DNAAF4: variants seen among roughly 807,000 people sequenced by gnomAD.
The protein encoded by DNAAF4 is dynein axonemal assembly factor 4.
Under a neutral mutation model 51.8 loss-of-function variants are expected in DNAAF4, and 43 were observed. That is an observed-to-expected ratio of 0.83 (90% CI 0.65 to 1.07). The LOEUF (loss-of-function observed/expected upper bound fraction) is 1.07, where lower values mean the gene tolerates loss of function less well. DNAAF4 is among the 50% of genes least tolerant of loss of function. The probability of loss-of-function intolerance (pLI) is 0.00; values close to 1 mark genes in which losing one functional copy is unlikely to be tolerated. For synonymous variants in DNAAF4, 194 were observed against 165.6 expected (o/e 1.17, Z -1.32); for missense variants, 581 against 493.0 (o/e 1.18, Z -1.69).
At position 55,498,408 on chromosome 15, in the gene DNAAF4, T is replaced by C; in HGVS notation, c.-79A>G. The C allele has an allele frequency of 1.3e-6, 2 of 1,541,244 alleles. No homozygotes were observed. The highest frequency in any genetic ancestry group is 1.7e-6 in the Non-Finnish European group (2 of 1,144,428). ...GTTGCTAGGGAAGCTGGGGTTACCATGCGCCAGCCCTTCCGGGTCAGGCCG... is the reference window on the plus strand; with the variant it reads ...GTTGCTAGGGAAGCTGGGGTTACCACGCGCCAGCCCTTCCGGGTCAGGCCG... On this transcript the variant is annotated 5_prime_UTR_variant, in exon 2 of 10. It removes an upstream start codon present in the reference 5' UTR. Coordinates refer to ENST00000321149, the MANE Select transcript of DNAAF4 (RefSeq NM_130810.4).
intron 4 of DNAAF4, among the ~76,000 whole-genome samples, chr15:55,483,873 A>C (rs2058448573): frequency 1.3e-5 from 1 of 74,502 alleles, no homozygotes; most frequent in Non-Finnish European, 3.0e-5. Flanking sequence ...TTTTTTTTTA[A>C]GAGAAAGCAT....
At chr15:55,470,205 C>T (rs1016300674) in intron 4 of DNAAF4, among the ~76,000 whole-genome samples, 9 of 152,116 alleles carry the variant, frequency 5.9e-5, no homozygotes, top group South Asian at 2.1e-4. Context: ...GCACATACCA[C>T]CACGCCTGGC....
chr15:55,484,748 A>C (rs943270642), intron 4 of DNAAF4, among the ~76,000 whole-genome samples: 2 of 152,210 alleles, frequency 1.3e-5, no homozygotes, highest in Non-Finnish European at 2.9e-5. Flanking sequence ...AACCAGTCCA[A>C]GTTCCAAAAC....
intron 4 of DNAAF4, among the ~76,000 whole-genome samples, chr15:55,481,219 G>GA (rs1297297665): frequency 6.6e-6 from 1 of 152,094 alleles, no homozygotes; most frequent in Non-Finnish European, 1.5e-5. Context: ...CCTAACTGCT[G>GA]AAAAAAGTGG....
chr15:55,462,483 C>T (rs575764410), intron 5 of DNAAF4, among the ~76,000 whole-genome samples: 1 of 151,972 alleles, frequency 6.6e-6, no homozygotes, highest in Non-Finnish European at 1.5e-5. Context: ...AGCCATGTGC[C>T]CAGCCCAACA....
At chr15:55,506,322 A>G (rs982693494) in intron 1 of DNAAF4, among the ~76,000 whole-genome samples, 5 of 152,204 alleles carry the variant, frequency 3.3e-5, no homozygotes, top group African/African-American at 4.8e-5. Context: ...ACTCCTATGT[A>G]TCTATCTTAG....
At chr15:55,476,037 A>T (rs995030148) in intron 4 of DNAAF4, among the ~76,000 whole-genome samples, 2 of 152,230 alleles carry the variant, frequency 1.3e-5, no homozygotes, top group African/African-American at 4.8e-5. Flanking sequence ...GACAGAAAAA[A>T]ACAGAACTAT....
At chr15:55,503,509 G>A (rs574222545) in intron 1 of DNAAF4, among the ~76,000 whole-genome samples, 28 of 152,168 alleles carry the variant, frequency 1.8e-4, no homozygotes, top group East Asian at 3.9e-4. Flanking sequence ...AAGGAACATC[G>A]ATGCAAAAAT....
At chr15:55,488,755 C>G (rs2058527633) in intron 4 of DNAAF4, among the ~76,000 whole-genome samples, 1 of 152,076 alleles carries the variant, frequency 6.6e-6, no homozygotes, top group African/African-American at 2.4e-5. Context: ...CTCTAAATCA[C>G]CTTTCCCAAT....
At chr15:55,437,513 C>A (rs557569314) in intron 7 of DNAAF4, among the ~76,000 whole-genome samples, 26 of 151,840 alleles carry the variant, frequency 1.7e-4, no homozygotes, top group Admixed American at 1.4e-3. Flanking sequence ...CCCCGCCCCC[C>A]AAAAAAAGAT....
In DNAAF4 at chr15:55,487,830, A is replaced by G. The variant is rs545211108; in HGVS notation, c.405+3293T>C. On this transcript the variant is annotated intron_variant, in intron 4 of 9. Transcript: ENST00000321149. ...GTTCCTTTGTGTGCCTTATTTTCAT[A>G]TACCTATCCAAATTGTAATGTCATT... 3.9e-5 allele frequency among the ~76,000 whole-genome samples: 6 copies of G among 152,312 alleles called. No homozygotes were observed. In the East Asian group the frequency reaches 9.7e-4, roughly 25 times the overall value.
At chr15:55,456,492 G>A (rs994915949) in intron 5 of DNAAF4, among the ~76,000 whole-genome samples, 1 of 152,146 alleles carries the variant, frequency 6.6e-6, no homozygotes, top group Non-Finnish European at 1.5e-5. Context: ...ATGGCAGATC[G>A]GAGACAGGAT....
At position 55,467,030 on chromosome 15, in the gene DNAAF4, C is replaced by G; in HGVS notation, c.537G>C (p.Glu179Asp). Reference protein sequence around the residue: ...AEEQKKIQREEKLCQKEKQIK... With the variant: ...AEEQKKIQREDKLCQKEKQIK... ...TTTGCTTTTCTTTTTGACATAATTT[C>G]TCTTCTCTCTGAATTTTTTTTTGCT... Residue 179 changes from glutamate (E) to aspartate (D), a missense_variant, in exon 5 of 10, where the codon GAG becomes GAC. Coordinates refer to ENST00000321149, the MANE Select transcript of DNAAF4 (RefSeq NM_130810.4). 1 of 1,563,692 alleles carries G rather than the reference C, an allele frequency of 6.4e-7. No homozygotes were observed. The highest frequency in any genetic ancestry group is 8.6e-7 in the Non-Finnish European group (1 of 1,157,544).
At chr15:55,419,120 G>T (rs1230480928) in intron 7 of DNAAF4, among the ~76,000 whole-genome samples, 2 of 152,116 alleles carry the variant, frequency 1.3e-5, no homozygotes, top group Non-Finnish European at 2.9e-5. Flanking sequence ...GTTTCACCCT[G>T]TTAGCTAGGA....
At chr15:55,489,911 T>C (rs1021867165) in intron 4 of DNAAF4, among the ~76,000 whole-genome samples, 84 of 150,460 alleles carry the variant, frequency 5.6e-4, no homozygotes, top group African/African-American at 2.0e-3. Flanking sequence ...TCTCACTCTG[T>C]CGCCCAGGCT....
intron 4 of DNAAF4, among the ~76,000 whole-genome samples, chr15:55,468,088 A>C (rs577377170): frequency 6.6e-6 from 1 of 152,144 alleles, no homozygotes; most frequent in Non-Finnish European, 1.5e-5. Context: ...GGCTACTGAG[A>C]CTCAGGAACT....
chr15:55,461,986 A>G (rs1351536703), intron 5 of DNAAF4, among the ~76,000 whole-genome samples: 1 of 152,252 alleles, frequency 6.6e-6, no homozygotes, highest in Admixed American at 6.5e-5. Flanking sequence ...AAGATCATTC[A>G]AAGCTACTAT....
intron 7 of DNAAF4, chr15:55,418,716 C>T (rs2057360218): frequency 3.5e-6 from 2 of 568,152 alleles, no homozygotes; most frequent in African/African-American, 1.9e-5. Flanking sequence ...CTGATAACTA[C>T]ATGACAGTGA....
intron 6 of DNAAF4, among the ~76,000 whole-genome samples, chr15:55,448,089 A>G (rs1052567570): frequency 3.3e-5 from 5 of 152,160 alleles, no homozygotes; most frequent in African/African-American, 1.2e-4. Context: ...CTTCCCATCA[A>G]TATCTAGCTT....
Sources: allele counts gnomAD v4.1 joint callset (sites outside exome capture counted in the v4.1 genomes callset), GRCh38; gene constraint gnomAD v4.1.1; transcripts MANE v1.5; gene names NCBI Gene and HGNC (gene_info 2026-07-23, HGNC 2026-07-21).